The following WWOX variants were observed in gnomAD, a reference collection of about 807,000 sequenced individuals.
The protein encoded by WWOX is WW domain containing oxidoreductase, also known as WW domain-containing oxidoreductase.
Under a neutral mutation model 46.2 loss-of-function variants are expected in WWOX, and 69 were observed. That is an observed-to-expected ratio of 1.49 (90% CI 1.23 to 1.82). The LOEUF (loss-of-function observed/expected upper bound fraction) is 1.82, where lower values mean the gene tolerates loss of function less well. Among genes scored for constraint, WWOX ranks in the 40% most tolerant of loss-of-function variants. WWOX has a pLI of 0.00. For missense variants in WWOX, 919 were observed against 542.6 expected (o/e 1.69, Z -6.89); for synonymous variants, 359 against 202.6 (o/e 1.77, Z -6.56).
At chr16:78,839,622 T>C (rs967273719) in intron 8 of WWOX, among the ~76,000 whole-genome samples, 3 of 152,166 alleles carry the variant, frequency 2.0e-5, no homozygotes, top group Admixed American at 6.5e-5. Context: ...TATTTTCTCA[T>C]TTTAGTTTCT....
At chr16:79,185,649 C>A (rs1161926545) in intron 8 of WWOX, among the ~76,000 whole-genome samples, 1 of 152,098 alleles carries the variant, frequency 6.6e-6, no homozygotes, top group East Asian at 1.9e-4. Flanking sequence ...TTTTGTCAAA[C>A]ACCTGCCGAT....
chr16:78,165,471 G>A (rs921635345), intron 5 of WWOX, among the ~76,000 whole-genome samples: 22 of 152,222 alleles, frequency 1.4e-4, no homozygotes, highest in Admixed American at 1.1e-3. Context: ...GAGACCTTTG[G>A]GGTCCCCAAG....
At chr16:78,176,728 G>A (rs542442596) in intron 5 of WWOX, among the ~76,000 whole-genome samples, 10 of 152,182 alleles carry the variant, frequency 6.6e-5, no homozygotes, top group Non-Finnish European at 1.0e-4. Context: ...TAATTACTTG[G>A]AATGCGTAGC....
At chr16:78,680,977 A>T (rs529840737) in intron 8 of WWOX, among the ~76,000 whole-genome samples, 80 of 152,026 alleles carry the variant, frequency 5.3e-4, no homozygotes, top group Non-Finnish European at 1.0e-3. Context: ...GGCCATACTT[A>T]GTGGCTCACG....
chr16:78,441,749 A>G (rs1475437437), intron 8 of WWOX, among the ~76,000 whole-genome samples: 1 of 152,124 alleles, frequency 6.6e-6, no homozygotes, highest in Non-Finnish European at 1.5e-5. Context: ...AGAATTAAAG[A>G]CGTTATGAAC....
At chr16:78,328,799 A>C (rs1480751007) in intron 5 of WWOX, among the ~76,000 whole-genome samples, 6 of 151,804 alleles carry the variant, frequency 4.0e-5, no homozygotes, top group Non-Finnish European at 8.8e-5. Flanking sequence ...CCTTGGTCTC[A>C]GGGTGGTTGA....
At chr16:78,582,071 G>A (rs1344169029) in intron 8 of WWOX, among the ~76,000 whole-genome samples, 4 of 152,170 alleles carry the variant, frequency 2.6e-5, no homozygotes, top group African/African-American at 9.7e-5. Flanking sequence ...GGAACGCTGG[G>A]TGCAGAAGCA....
At chr16:78,547,626 T>G (rs1043580718) in intron 8 of WWOX, among the ~76,000 whole-genome samples, 11 of 152,204 alleles carry the variant, frequency 7.2e-5, no homozygotes, top group African/African-American at 2.7e-4. Context: ...CTCATAGTTC[T>G]TGAGGCTGGG....
At chr16:78,615,208 G>A (rs116781746) in intron 8 of WWOX, among the ~76,000 whole-genome samples, 2 of 152,260 alleles carry the variant, frequency 1.3e-5, no homozygotes, top group African/African-American at 4.8e-5. Flanking sequence ...GAAACTCTCT[G>A]TTTTTTGAAA....
chr16:78,674,354 G>C (rs187523424), intron 8 of WWOX, among the ~76,000 whole-genome samples: 106 of 148,884 alleles, frequency 7.1e-4, no homozygotes, highest in Non-Finnish European at 1.2e-3. Flanking sequence ...GTGCGATCTT[G>C]GCTCACTGCA....
intron 8 of WWOX, among the ~76,000 whole-genome samples, chr16:79,163,211 G>T (rs1160230000): frequency 1.3e-5 from 2 of 152,148 alleles, no homozygotes; most frequent in African/African-American, 4.8e-5. Flanking sequence ...TGGGAGGAGG[G>T]AAGAAAGTGA....
chr16:78,107,093 T>C (rs2032193753), intron 1 of WWOX, among the ~76,000 whole-genome samples: 1 of 152,236 alleles, frequency 6.6e-6, no homozygotes, highest in Non-Finnish European at 1.5e-5. Flanking sequence ...TGTAAAATAA[T>C]TGATAGGGAA....
At chr16:78,569,977 A>G (rs960461843) in intron 8 of WWOX, among the ~76,000 whole-genome samples, 5 of 152,224 alleles carry the variant, frequency 3.3e-5, no homozygotes, top group African/African-American at 1.2e-4. Context: ...GATGGTTTCC[A>G]TCCTGAAGAG....
Position 78,267,782 on chromosome 16 carries a change from G to C in WWOX, c.516+103493G>C, listed in dbSNP as rs995395625. ...TGATTGATTGATTGATTGATTGATT[G>C]ATTGTGAGGCAGGGTCTCACTCTCA... On this transcript the variant is annotated intron_variant, in intron 5 of 8. Transcript: ENST00000566780. 2.6e-5 allele frequency among the ~76,000 whole-genome samples: 4 copies of C among 152,258 alleles called. No homozygotes were observed. In the East Asian group the frequency reaches 5.8e-4, roughly 22 times the overall value.
intron 8 of WWOX, among the ~76,000 whole-genome samples, chr16:78,976,139 C>T (rs2046568488): frequency 6.6e-6 from 1 of 152,218 alleles, no homozygotes; most frequent in African/African-American, 2.4e-5. Context: ...GAATATCCTG[C>T]ACCGTTCCTG....
chr16:78,813,133 A>G (rs1477456757), intron 8 of WWOX, among the ~76,000 whole-genome samples: 1 of 143,730 alleles, frequency 7.0e-6, no homozygotes, highest in Non-Finnish European at 1.5e-5. Context: ...TAAGTGGTTG[A>G]TTGTTTTTTA....
At position 78,580,906 on chromosome 16, in the gene WWOX, C is replaced by G. The variant is rs183982479; in HGVS notation, c.1056+148154C>G. Among the ~76,000 whole-genome samples, 14 of 152,294 alleles carry G rather than the reference C, an allele frequency of 9.2e-5. No homozygotes were observed. In the East Asian group the frequency reaches 2.5e-3, roughly 27 times the overall value. The stretch of plus-strand genomic sequence containing the variant: ...TGTCTGCCCACCCAGGTGGTAATTT[C>G]TGGTCATAAGTCTAATTTAGTAGCC... On this transcript the variant is annotated intron_variant, in intron 8 of 8. Coordinates refer to ENST00000566780, the MANE Select transcript of WWOX (RefSeq NM_016373.4).
chr16:78,660,374 A>T (rs1030234139), intron 8 of WWOX, among the ~76,000 whole-genome samples: 3 of 152,108 alleles, frequency 2.0e-5, no homozygotes, highest in Non-Finnish European at 4.4e-5. Flanking sequence ...GGGGAAACAG[A>T]AGGAAATTGG....
chr16:78,108,355 A>G, intron 1 of WWOX, 68 bp from the exon 2 acceptor site: 2 of 1,508,558 alleles, frequency 1.3e-6, no homozygotes, highest in Non-Finnish European at 1.8e-6. Flanking sequence ...AAAAAATTTA[A>G]TACAATTGAT....
Sources: allele counts gnomAD v4.1 joint callset (sites outside exome capture counted in the v4.1 genomes callset), GRCh38; gene constraint gnomAD v4.1.1; transcripts MANE v1.5; gene names NCBI Gene and HGNC (gene_info 2026-07-23, HGNC 2026-07-21).